The following GFPT1 variants were observed in gnomAD, a reference collection of about 807,000 sequenced individuals.
GFPT1 encodes the protein glutamine--fructose-6-phosphate aminotransferase [isomerizing] 1.
In GFPT1, 40 loss-of-function variants were observed where a neutral mutation model predicts 92.0. The observed-to-expected ratio is 0.43, with a 90% CI of 0.34 to 0.57. The LOEUF (loss-of-function observed/expected upper bound fraction) is 0.57. GFPT1 is among the 20% of genes least tolerant of loss of function. The probability of loss-of-function intolerance (pLI) is 0.02; values close to 1 mark genes in which losing one functional copy is unlikely to be tolerated. For synonymous variants in GFPT1, 269 were observed against 280.6 expected (o/e 0.96, Z 0.41); for missense variants, 448 against 869.1 (o/e 0.52, Z 6.09).
chr2:69,358,625 A>G (rs1671399255), intron 5 of GFPT1, among the ~76,000 whole-genome samples, 162 bp from the exon 6 acceptor site: 1 of 152,258 alleles, frequency 6.6e-6, no homozygotes, highest in Non-Finnish European at 1.5e-5. Context: ...AGTGACTCTA[A>G]AACAGTGTGG....
intron 1 of GFPT1, among the ~76,000 whole-genome samples, chr2:69,384,817 AAG>A (rs1177252205): frequency 6.6e-6 from 1 of 152,110 alleles, no homozygotes; most frequent in Admixed American, 6.5e-5. Context: ...GAAGGAAAGA[AAG>A]AGAAAAACTT....
chr2:69,370,149 G>A, intron 2 of GFPT1, 41 bp from the exon 3 acceptor site: 1 of 1,168,286 alleles, frequency 8.6e-7, no homozygotes, highest in Non-Finnish European at 1.3e-6. Flanking sequence ...TTAGAAACTG[G>A]CTACTGATAA....
chr2:69,336,728 G>A (rs917469584), intron 15 of GFPT1, among the ~76,000 whole-genome samples: 1 of 151,438 alleles, frequency 6.6e-6, no homozygotes, highest in Admixed American at 6.6e-5. Flanking sequence ...GTCTGAGGCT[G>A]CAGGGAGCTA....
intron 9 of GFPT1, among the ~76,000 whole-genome samples, chr2:69,351,990 A>C (rs1296685624): frequency 2.0e-5 from 3 of 152,208 alleles, no homozygotes; most frequent in African/African-American, 7.2e-5. Flanking sequence ...GACCAGGCAC[A>C]GTGGCTCATG....
At chr2:69,354,454 T>C (rs749954313) in intron 8 of GFPT1, 35 bp downstream of exon 8, 1 of 1,341,610 alleles carries the variant, frequency 7.5e-7, no homozygotes, top group South Asian at 1.2e-5. Flanking sequence ...TAATTCTTCA[T>C]ATCTACTGCA....
chr2:69,353,213 T>C (rs1468907138), intron 9 of GFPT1, among the ~76,000 whole-genome samples: 1 of 151,870 alleles, frequency 6.6e-6, no homozygotes, highest in African/African-American at 2.4e-5. Context: ...CTGGGCAATA[T>C]AGCAAGACTC....
Position 69,323,541 on chromosome 2 carries a change from C to T in GFPT1, c.*2648G>A, listed in dbSNP as rs1670461583. Reference sequence around the variant, plus strand: ...GTCAGGAGGGTCTCACTCTGTCACTCAAGCTGAAGCACAGTGGCACAATCA... The same window carrying T: ...GTCAGGAGGGTCTCACTCTGTCACTTAAGCTGAAGCACAGTGGCACAATCA... On this transcript the variant is annotated 3_prime_UTR_variant, in exon 20 of 20. Transcript: ENST00000357308. The T allele has an allele frequency of 6.6e-6, 1 of 152,194 alleles. No individual in the cohort carries two copies. The highest frequency in any genetic ancestry group is 2.1e-4 in the South Asian group (1 of 4,820). The allele number at this position is 152,194 out of a possible 1,614,324, so 9.4% of individuals were successfully genotyped here.
rs755864577 is a variant in GFPT1, at chr2:69,354,281, C to A, written c.717G>T (p.Arg239=). 4 of 1,592,118 alleles carry A rather than the reference C, an allele frequency of 2.5e-6. No homozygotes were observed. In the East Asian group the frequency reaches 8.9e-5, roughly 36 times the overall value. ...CACCTCTTTCTCCCTGTGATCCCCA[C>A]CGTGTGAATTTTGATCCAATCTGAG... ...ARTQIGSKFT[R]WGSQGERGKD... is the part of the protein sequence containing the mutation. The change falls in exon 9 of 20, where the codon CGG becomes CGT. Residue 239 remains arginine, a synonymous_variant. Coordinates refer to ENST00000357308, the MANE Select transcript of GFPT1 (RefSeq NM_001244710.2).
intron 1 of GFPT1, among the ~76,000 whole-genome samples, chr2:69,384,752 AAG>A (rs1330275897): frequency 6.6e-6 from 1 of 150,426 alleles, no homozygotes; most frequent in South Asian, 2.1e-4. Context: ...GAAAGAAAGA[AAG>A]AGAGAGAAAG....
intron 4 of GFPT1, among the ~76,000 whole-genome samples, chr2:69,360,222 G>C (rs1231566203): frequency 6.6e-6 from 1 of 151,660 alleles, no homozygotes; most frequent in Non-Finnish European, 1.5e-5. Context: ...CCAGCTACTT[G>C]GGAGGCTGAG....
intron 15 of GFPT1, among the ~76,000 whole-genome samples, chr2:69,335,247 T>A (rs1670767195): frequency 6.6e-6 from 1 of 152,076 alleles, no homozygotes; most frequent in African/African-American, 2.4e-5. Context: ...CCTCAAGTGA[T>A]CCTCCCAATT....
intron 13 of GFPT1, among the ~76,000 whole-genome samples, chr2:69,341,561 G>A (rs997042450): frequency 5.9e-5 from 9 of 152,122 alleles, no homozygotes; most frequent in Non-Finnish European, 1.3e-4. Context: ...CACATAAACT[G>A]TCTCTTTCTA....
At chr2:69,378,287 T>TAAGCCACTGCA (rs1166435682) in intron 1 of GFPT1, among the ~76,000 whole-genome samples, 1 of 152,206 alleles carries the variant, frequency 6.6e-6, no homozygotes, top group East Asian at 1.9e-4. Context: ...ATTACAGGCA[T>TAAGCCACTGCA]AAGCCACTGC....
rs1671282317 is a variant in GFPT1 at position 69,354,319 on chromosome 2, A to G, written c.686-7T>C. 2.5e-6 allele frequency: 4 copies of G among 1,587,734 alleles called. No homozygotes were observed. Among genetic ancestry groups the G allele is most frequent in the African/African-American group, 1.3e-5 (1 of 74,704 alleles). On this transcript the variant is annotated splice_polypyrimidine_tract_variant and splice_region_variant and intron_variant, in intron 8 of 19. Transcript: ENST00000357308. ...GATCCAATCTGAGTCCTAGCTAAGG[A>G]TACACAACAGAAAAAAATTCTAATC...
intron 9 of GFPT1, among the ~76,000 whole-genome samples, chr2:69,351,329 A>G (rs1671201221): frequency 6.6e-6 from 1 of 152,196 alleles, no homozygotes; most frequent in Non-Finnish European, 1.5e-5. Context: ...TATAGGAAAA[A>G]AATCTATTAG....
chr2:69,348,401 T>G (rs150908944), intron 10 of GFPT1, 67 bp from the exon 11 acceptor site: 6 of 1,282,074 alleles, frequency 4.7e-6, no homozygotes, highest in Admixed American at 3.4e-5. Context: ...GAAACTATCA[T>G]TTGGATACAA....
At chr2:69,331,591 A>G (rs10170655) in intron 15 of GFPT1, among the ~76,000 whole-genome samples, 102,921 of 151,930 alleles carry the variant, frequency 0.68, 36,458 homozygotes, top group African/African-American at 0.9. Context: ...GGGTTTTAAT[A>G]TAATTTATGT....
At chr2:69,371,672 C>G (rs946653475) in intron 2 of GFPT1, among the ~76,000 whole-genome samples, 1 of 148,186 alleles carries the variant, frequency 6.7e-6, no homozygotes, top group Non-Finnish European at 1.5e-5. Context: ...CCCGTCTCTA[C>G]TAAAAATACA....
intron 19 of GFPT1, among the ~76,000 whole-genome samples, chr2:69,326,707 G>A (rs1670540402): frequency 6.6e-6 from 1 of 152,176 alleles, no homozygotes; most frequent in African/African-American, 2.4e-5. Context: ...TCACAATCTT[G>A]GAGGTGAACC....
Sources: gnomAD v4.1 joint callset for allele counts (sites outside exome capture counted in the v4.1 genomes callset) on GRCh38, gnomAD v4.1.1 for gene constraint, MANE v1.5 for transcripts, NCBI Gene and HGNC (gene_info 2026-07-23, HGNC 2026-07-21) for gene names.